Variants in OPCML observed in about 807,000 individuals in gnomAD.
The protein encoded by OPCML is opioid binding protein/cell adhesion molecule like.
Under a neutral mutation model 37.8 loss-of-function variants are expected in OPCML, and 13 were observed. The ratio of observed to expected loss-of-function variants is 0.34; its 90% confidence interval spans 0.22 to 0.55. The LOEUF (loss-of-function observed/expected upper bound fraction) is 0.55, where lower values mean the gene tolerates loss of function less well. Among genes scored for constraint, OPCML ranks in the 20% least tolerant of loss-of-function variants. The pLI is 0.91. For missense variants in OPCML, 341 were observed against 435.6 expected (o/e 0.78, Z 1.93); for synonymous variants, 176 against 168.8 (o/e 1.04, Z -0.33).
chr11:133,083,134 G>GCACACACACGCACA (rs1274757046), intron 1 of OPCML, among the ~76,000 whole-genome samples: 4 of 147,808 alleles, frequency 2.7e-5, no homozygotes, highest in Non-Finnish European at 4.6e-5. Context: ...CACACACCAC[G>GCACACACACGCACA]CACACACACG....
At chr11:133,336,548 T>TGAGAAATTTAAATGAGAC (rs1311568892) in intron 1 of OPCML, among the ~76,000 whole-genome samples, 1 of 152,204 alleles carries the variant, frequency 6.6e-6, no homozygotes, top group Non-Finnish European at 1.5e-5. Flanking sequence ...TTTATAGGAT[T>TGAGAAATTTAAATGAGAC]GAGAAATTTA....
intron 2 of OPCML, among the ~76,000 whole-genome samples, chr11:132,785,646 G>A (rs1367237790): frequency 6.6e-6 from 1 of 152,160 alleles, no homozygotes; most frequent in Non-Finnish European, 1.5e-5. Flanking sequence ...GAAAGGTCAG[G>A]TCAATGTCCT....
chr11:133,211,478 C>A lies in OPCML; in HGVS notation c.62-268468G>T, dbSNP rs1437458355. On this transcript the variant is annotated intron_variant, in intron 1 of 7. Transcript: ENST00000524381. The surrounding 1 kb of genome is among the most constrained non-coding windows in gnomAD (Gnocchi z 4.1). ...ACATTGTCAATCAGCAGCCTTGAGT[C>A]CTTGGAGATACCCCTCCTCAGACAC... 6.6e-6 allele frequency among the ~76,000 whole-genome samples: 1 copy of A among 152,138 alleles called. No homozygotes were observed. The highest frequency in any genetic ancestry group is 1.5e-5 in the Non-Finnish European group (1 of 68,036).
chr11:132,987,272 C>T (rs1946696991), intron 1 of OPCML, among the ~76,000 whole-genome samples: 1 of 152,090 alleles, frequency 6.6e-6, no homozygotes, highest in South Asian at 2.1e-4. Context: ...GGAAGAGAAG[C>T]ACCGGGGAAA....
chr11:132,610,287 C>T (rs11223144), intron 3 of OPCML, among the ~76,000 whole-genome samples: 4,113 of 152,316 alleles, frequency 0.027, 87 homozygotes, highest in Non-Finnish European at 0.043. Flanking sequence ...AGTTAGGCAA[C>T]TCTGCCAAAG....
At chr11:132,873,731 A>T (rs1275572620) in intron 2 of OPCML, among the ~76,000 whole-genome samples, 1 of 149,210 alleles carries the variant, frequency 6.7e-6, no homozygotes, top group Non-Finnish European at 1.5e-5. Flanking sequence ...AAAAAAAAAA[A>T]GGAGGAAAGG....
chr11:132,759,294 T>G (rs544516380), intron 2 of OPCML, among the ~76,000 whole-genome samples: 6 of 152,188 alleles, frequency 3.9e-5, no homozygotes, highest in Non-Finnish European at 8.8e-5. Flanking sequence ...GGTTTTGGTA[T>G]CAGGATGATG....
At chr11:132,520,674 A>ATGTGTG (rs1555144701) in intron 4 of OPCML, among the ~76,000 whole-genome samples, 1,412 of 128,072 alleles carry the variant, frequency 0.011, 24 homozygotes, top group African/African-American at 0.037. Context: ...CTAAATATAT[A>ATGTGTG]TGTGTGTGTG....
intron 1 of OPCML, among the ~76,000 whole-genome samples, chr11:133,294,815 CTTTT>C (rs59382534): frequency 5.3e-5 from 3 of 56,550 alleles, no homozygotes; most frequent in Non-Finnish European, 9.6e-5. Context: ...TTCTTTCTTT[CTTTT>C]TTTTTTTTTT....
chr11:132,730,946 A>G (rs1171124070), intron 2 of OPCML, among the ~76,000 whole-genome samples: 1 of 152,220 alleles, frequency 6.6e-6, no homozygotes, highest in Non-Finnish European at 1.5e-5. Context: ...TTGAACCTAG[A>G]AAAACAGCTC....
intron 1 of OPCML, among the ~76,000 whole-genome samples, chr11:133,432,640 T>G (rs1946147079): frequency 6.6e-6 from 1 of 152,222 alleles, no homozygotes; most frequent in South Asian, 2.1e-4. Flanking sequence ...CCCTTTCTTC[T>G]TCTGGAACTT....
chr11:132,783,008 T>C (rs937629483), intron 2 of OPCML, among the ~76,000 whole-genome samples: 1 of 149,368 alleles, frequency 6.7e-6, no homozygotes. Context: ...CTTCACAGAG[T>C]AGAGCAGAAA....
At chr11:133,527,785 T>G (rs1948518682) in intron 1 of OPCML, among the ~76,000 whole-genome samples, 1 of 152,206 alleles carries the variant, frequency 6.6e-6, no homozygotes, top group African/African-American at 2.4e-5. Context: ...ACTTAGAGAA[T>G]GCCTTGAACC....
chr11:133,106,290 G>A (rs575030234), intron 1 of OPCML, among the ~76,000 whole-genome samples: 150 of 152,306 alleles, frequency 9.8e-4, no homozygotes, highest in African/African-American at 3.5e-3. Context: ...TGCTCACGCT[G>A]TCCATTTGGG....
At chr11:133,372,678 T>G (rs1348401139) in intron 1 of OPCML, among the ~76,000 whole-genome samples, 1 of 152,326 alleles carries the variant, frequency 6.6e-6, no homozygotes, top group South Asian at 2.1e-4. Flanking sequence ...CAGGTAATTA[T>G]CATTATATTA....
chr11:133,087,518 G>C (rs898925048), intron 1 of OPCML, among the ~76,000 whole-genome samples: 3 of 152,080 alleles, frequency 2.0e-5, no homozygotes, highest in African/African-American at 7.2e-5. Context: ...TAAGCATTTT[G>C]AATGAAAAGA....
At chr11:132,556,073 C>T (rs1306062257) in intron 3 of OPCML, among the ~76,000 whole-genome samples, 2 of 151,726 alleles carry the variant, frequency 1.3e-5, no homozygotes, top group Admixed American at 6.6e-5. Flanking sequence ...GAAGTAGCTG[C>T]GTCTACAGGT....
At chr11:132,724,550 C>T (rs1375389588) in intron 2 of OPCML, among the ~76,000 whole-genome samples, 1 of 152,010 alleles carries the variant, frequency 6.6e-6, no homozygotes, top group African/African-American at 2.4e-5. Context: ...CACCCCTGTC[C>T]TCCCCCCGCA....
chr11:133,514,049 A>T (rs75400725), intron 1 of OPCML, among the ~76,000 whole-genome samples: 2,783 of 152,236 alleles, frequency 0.018, 85 homozygotes, highest in African/African-American at 0.063. Flanking sequence ...TGGAGAGCAA[A>T]TTATGCAAGA....
Sources: allele counts gnomAD v4.1 joint callset (sites outside exome capture counted in the v4.1 genomes callset), GRCh38; gene constraint gnomAD v4.1.1; non-coding constraint Gnocchi (gnomAD v3.1); transcripts MANE v1.5; gene names NCBI Gene and HGNC (gene_info 2026-07-23, HGNC 2026-07-21).